The following PDE10A variants were observed in gnomAD, a reference collection of about 807,000 sequenced individuals.
The protein encoded by PDE10A is phosphodiesterase 10A.
Under a neutral mutation model 97.7 loss-of-function variants are expected in PDE10A, and 39 were observed. The observed-to-expected ratio is 0.40, with a 90% CI of 0.31 to 0.52. The LOEUF (loss-of-function observed/expected upper bound fraction) is 0.52. Among genes scored for constraint, PDE10A ranks in the 20% least tolerant of loss-of-function variants. The probability of loss-of-function intolerance (pLI) is 0.56; values close to 1 mark genes in which losing one functional copy is unlikely to be tolerated. For missense variants in PDE10A, 731 were observed against 1,047.8 expected (o/e 0.70, Z 4.17); for synonymous variants, 371 against 376.8 (o/e 0.98, Z 0.18).
chr6:165,877,638 C>T (rs916062397), intron 1 of PDE10A, among the ~76,000 whole-genome samples: 1 of 152,066 alleles, frequency 6.6e-6, no homozygotes, highest in Non-Finnish European at 1.5e-5. Context: ...ATATGCATTA[C>T]CTCACATATT....
intron 1 of PDE10A, among the ~76,000 whole-genome samples, chr6:165,704,450 G>A (rs1226704865): frequency 2.0e-5 from 3 of 152,202 alleles, no homozygotes; most frequent in South Asian, 2.1e-4. Flanking sequence ...TGTTGCTGCA[G>A]CCTTGTTTTT....
intron 1 of PDE10A, among the ~76,000 whole-genome samples, chr6:165,650,081 T>A (rs1431649876): frequency 6.6e-6 from 1 of 152,022 alleles, no homozygotes; most frequent in South Asian, 2.1e-4. Context: ...GTAGGAGAAG[T>A]GGGAGGCCAG....
chr6:165,971,739 G>A (rs961674749), intron 1 of PDE10A, among the ~76,000 whole-genome samples: 2 of 152,172 alleles, frequency 1.3e-5, no homozygotes, highest in South Asian at 2.1e-4. Flanking sequence ...GATTGGAAGC[G>A]GTACTGCAAA....
chr6:165,823,518 A>T (rs867432897), intron 1 of PDE10A, among the ~76,000 whole-genome samples: 9 of 92,690 alleles, frequency 9.7e-5, no homozygotes, highest in South Asian at 3.3e-4. Flanking sequence ...ATATATATAT[A>T]TATATATGAA....
rs1410287602 is a variant in PDE10A, at chr6:165,661,906, G to A, written c.865+41C>T. On this transcript the variant is annotated intron_variant, in intron 1 of 21. Coordinates refer to ENST00000539869, the MANE Select transcript of PDE10A (RefSeq NM_001385079.1). The surrounding 1 kb of genome is among the most constrained non-coding windows in gnomAD (Gnocchi z 4.8). ...CCCCCACCTGCCCCCAGGGGATGAG[G>A]AGCCGCCCCACCTCCGGGGAACGGG... The A allele has an allele frequency of 2.1e-5, 17 of 803,344 alleles. No individual in the cohort carries two copies. The highest frequency in any genetic ancestry group is 3.4e-5 in the Non-Finnish European group (16 of 477,004). The allele number at this position is 803,344 out of a possible 1,614,324, so 49.8% of individuals were successfully genotyped here. A position where few individuals can be genotyped will look rare whatever the true frequency, so the allele number is the denominator to read the frequency against.
At chr6:165,492,371 C>A (rs1449069242) in intron 2 of PDE10A, among the ~76,000 whole-genome samples, 4 of 152,086 alleles carry the variant, frequency 2.6e-5, no homozygotes, top group East Asian at 1.9e-4. Flanking sequence ...GCCAGTATCA[C>A]CCAGATAGCA....
chr6:165,616,382 T>C (rs1234354423), intron 1 of PDE10A, among the ~76,000 whole-genome samples: 1 of 152,140 alleles, frequency 6.6e-6, no homozygotes, highest in Non-Finnish European at 1.5e-5. Context: ...TTTCATGAAG[T>C]AGCTGCTCCT....
At chr6:165,846,637 C>A (rs1156599400) in intron 1 of PDE10A, among the ~76,000 whole-genome samples, 1 of 152,208 alleles carries the variant, frequency 6.6e-6, no homozygotes, top group Non-Finnish European at 1.5e-5. Flanking sequence ...CCAGACAATC[C>A]TCTGAGGAAT....
intron 1 of PDE10A, among the ~76,000 whole-genome samples, chr6:165,714,063 T>C (rs1432464470): frequency 6.6e-6 from 1 of 152,180 alleles, no homozygotes; most frequent in East Asian, 1.9e-4. Flanking sequence ...CAGGAAACCA[T>C]GACCACCACA....
At chr6:165,758,677 A>G (rs1793182152) in intron 1 of PDE10A, among the ~76,000 whole-genome samples, 1 of 150,694 alleles carries the variant, frequency 6.6e-6, no homozygotes, top group Non-Finnish European at 1.5e-5. Flanking sequence ...GAGGAAGAGG[A>G]AGAAAGAAGG....
At chr6:165,782,419 G>A (rs377031018) in intron 1 of PDE10A, among the ~76,000 whole-genome samples, 6 of 152,278 alleles carry the variant, frequency 3.9e-5, no homozygotes, top group African/African-American at 1.4e-4. Context: ...CCACAGCAGG[G>A]CCAAGGCGTG....
chr6:165,511,904 G>A (rs1781530589), intron 2 of PDE10A, among the ~76,000 whole-genome samples: 1 of 151,976 alleles, frequency 6.6e-6, no homozygotes, highest in Non-Finnish European at 1.5e-5. Context: ...CTCTATGTGT[G>A]TCTTTACAGG....
intron 1 of PDE10A, among the ~76,000 whole-genome samples, chr6:165,604,063 C>T (rs746601037): frequency 6.6e-6 from 1 of 152,078 alleles, no homozygotes; most frequent in African/African-American, 2.4e-5. Context: ...AAATATATAA[C>T]AAAGAAATAG....
chr6:165,700,438 C>T (rs1477089133), intron 1 of PDE10A, among the ~76,000 whole-genome samples: 1 of 151,994 alleles, frequency 6.6e-6, no homozygotes, highest in Non-Finnish European at 1.5e-5. Flanking sequence ...TTAAATTGCA[C>T]ATTTCACACA....
intron 1 of PDE10A, among the ~76,000 whole-genome samples, chr6:165,943,882 C>G (rs549619106): frequency 1.1e-4 from 16 of 152,370 alleles, no homozygotes; most frequent in Non-Finnish European, 2.2e-4. Flanking sequence ...TTCAAAACAA[C>G]ATGAGCTACA....
intron 1 of PDE10A, among the ~76,000 whole-genome samples, chr6:165,929,553 C>T (rs1353561352): frequency 1.3e-5 from 2 of 152,220 alleles, no homozygotes; most frequent in African/African-American, 4.8e-5. Context: ...GATGCCGCGA[C>T]ACCCTATGTG....
intron 2 of PDE10A, among the ~76,000 whole-genome samples, chr6:165,486,869 T>G (rs1475790817): frequency 6.6e-6 from 1 of 152,206 alleles, no homozygotes; most frequent in Non-Finnish European, 1.5e-5. Flanking sequence ...ATAAAGCAGC[T>G]GCATTCAAAG....
rs571923391 is a variant in PDE10A, at chr6:165,764,697, G to A, written c.-614-221129C>T. Among the ~76,000 whole-genome samples the A allele has an allele frequency of 2.6e-5, 4 of 152,310 alleles. No homozygotes were observed. In the East Asian group the frequency reaches 7.7e-4, roughly 29 times the overall value. ...CTTATAGTCCCACCGGCTCAGGAGT[G>A]AAGCTGCAGACCTTCCCGGTGAGTG... is the stretch of plus-strand genomic sequence containing the variant. On this transcript the variant is annotated intron_variant, in intron 1 of 19. Transcript: ENST00000366882.
At chr6:165,919,529 G>A (rs868049902) in intron 1 of PDE10A, among the ~76,000 whole-genome samples, 2 of 152,180 alleles carry the variant, frequency 1.3e-5, no homozygotes, top group African/African-American at 4.8e-5. Flanking sequence ...AAACATTTAG[G>A]CTTTACAAGG....
Sources: gnomAD v4.1 joint callset for allele counts (sites outside exome capture counted in the v4.1 genomes callset) on GRCh38, gnomAD v4.1.1 for gene constraint, Gnocchi (gnomAD v3.1) non-coding constraint, MANE v1.5 for transcripts, NCBI Gene and HGNC (gene_info 2026-07-23, HGNC 2026-07-21) for gene names.